FAM217A: variants seen among roughly 807,000 people sequenced by gnomAD.
FAM217A encodes protein FAM217A.
FAM217A carries 13 observed loss-of-function variants against 18.5 expected under a neutral mutation model. The ratio of observed to expected loss-of-function variants is 0.70; its 90% CI spans 0.46 to 1.12. The LOEUF (loss-of-function observed/expected upper bound fraction) is 1.12, where lower values mean the gene tolerates loss of function less well. Ranked by LOEUF, FAM217A falls within the 50% of genes most tolerant of loss-of-function variation. The pLI is 0.00. For missense variants in FAM217A, 560 were observed against 575.4 expected (o/e 0.97, Z 0.27); for synonymous variants, 161 against 202.8 (o/e 0.79, Z 1.75).
intron 1 of FAM217A, among the ~76,000 whole-genome samples, chr6:4,078,211 G>T (rs1210453161): frequency 6.6e-6 from 1 of 151,706 alleles, no homozygotes; most frequent in Admixed American, 6.6e-5. Flanking sequence ...GCACCACTAC[G>T]CCCAGCTAAT....
chr6:4,079,569 G>A (rs1360440526), upstream of FAM217A: 2 of 1,282,898 alleles, frequency 1.6e-6, no homozygotes, highest in Admixed American at 2.3e-5. Flanking sequence ...GGCCTCTCCA[G>A]GCTGAGCTCT....
chr6:4,077,232 C>G (rs1460660230), intron 2 of FAM217A, 123 bp downstream of exon 2: 1 of 871,708 alleles, frequency 1.1e-6, no homozygotes, highest in East Asian at 2.5e-5. Flanking sequence ...AAGGAAAACA[C>G]AGGATAAACT....
At chr6:4,075,884 C>A (rs1384280044) in intron 2 of FAM217A, among the ~76,000 whole-genome samples, 4 of 152,138 alleles carry the variant, frequency 2.6e-5, no homozygotes. Context: ...TTATCATTCT[C>A]TATAGATTTA....
At chr6:4,072,513 A>T (rs949261353) in intron 6 of FAM217A, among the ~76,000 whole-genome samples, 16 of 151,328 alleles carry the variant, frequency 1.1e-4, no homozygotes, top group Admixed American at 1.1e-3. Flanking sequence ...CTGTAATCCC[A>T]GAACTTTGGG....
intron 4 of FAM217A, among the ~76,000 whole-genome samples, chr6:4,074,236 T>C (rs1298366307): frequency 6.6e-6 from 1 of 152,230 alleles, no homozygotes; most frequent in Non-Finnish European, 1.5e-5. Flanking sequence ...TTTATATTAT[T>C]GTTATACTGA....
In FAM217A at chr6:4,073,302, A is replaced by G. The variant is rs759052718; in HGVS notation, c.275T>C (p.Leu92Pro). Residue 92 changes from leucine to proline, a missense_variant, in exon 6 of 7, where the codon CTT (leucine) becomes CCT (proline). By Grantham distance (98) the Leu-to-Pro change is moderately conservative. Coordinates refer to ENST00000274673, the MANE Select transcript of FAM217A (RefSeq NM_173563.3). ...CTTCTCTATGGTACTTCCTTCATTA[A>G]GAGGACAATTCCATAATTGAAAGAT... Reference protein sequence around the residue: ...QGIFQLWNCPLNEGSTIEKRE... With the variant: ...QGIFQLWNCPPNEGSTIEKRE... 2.5e-6 allele frequency: 4 copies of G among 1,609,464 alleles called. No individual in the cohort carries two copies. In the Admixed American group the frequency reaches 6.7e-5, roughly 27 times the overall value.
chr6:4,082,349 A>C (rs2113893464), upstream of FAM217A, among the ~76,000 whole-genome samples: 1 of 152,246 alleles, frequency 6.6e-6, no homozygotes, highest in East Asian at 1.9e-4. Context: ...AAGGCTTCGG[A>C]AATAGCCTCA....
rs560026198 is a variant in FAM217A, at chr6:4,068,398, T to C, written c.*298A>G. 4.0e-6 allele frequency: 1 copy of C among 251,072 alleles called. No homozygotes were observed. Among genetic ancestry groups the C allele is most frequent in the African/African-American group, 2.2e-5 (1 of 44,920 alleles). The allele number at this position is 251,072 out of a possible 1,614,324, so 15.6% of individuals were successfully genotyped here. A position where few individuals can be genotyped will look rare whatever the true frequency, so the allele number is the denominator to read the frequency against. On this transcript the variant is annotated 3_prime_UTR_variant, in exon 7 of 7. Coordinates refer to ENST00000274673, the MANE Select transcript of FAM217A (RefSeq NM_173563.3). ...ATACCATTTATTGATGGAATTATAC[T>C]GGAAAACAATCACTGAAAAAAGAGT...
In FAM217A at chr6:4,069,557, C is replaced by T. The variant is rs753353565; in HGVS notation, c.666G>A (p.Val222=). The part of the protein sequence containing the change: ...NDTLLSYFKK[V]DLNLKPETIK... ...TTGTTTCTGGCTTCAAGTTCAGGTC[C>T]ACCTTTTTAAAATAGCTGAGTAAAG... The change falls in exon 7 of 7, where the codon GTG becomes GTA. Residue 222 remains valine, a synonymous_variant. Coordinates refer to ENST00000274673, the MANE Select transcript of FAM217A (RefSeq NM_173563.3). 1 of 1,614,072 alleles carries T rather than the reference C, an allele frequency of 6.2e-7. No homozygotes were observed. Among genetic ancestry groups the T allele is most frequent in the Non-Finnish European group, 8.5e-7 (1 of 1,179,996 alleles).
At chr6:4,084,909 C>A in intron 1 of FAM217A, 1 of 640,078 alleles carries the variant, frequency 1.6e-6, no homozygotes, top group Non-Finnish European at 2.8e-6. Context: ...TGCTGCGCTG[C>A]GGGATCAATT....
At position 4,069,136 on chromosome 6, in the gene FAM217A, C is replaced by T. The variant is rs745607309; in HGVS notation, c.1087G>A (p.Glu363Lys). 4 of 1,614,112 alleles carry T rather than the reference C, an allele frequency of 2.5e-6. No individual in the cohort carries two copies. In the South Asian group the frequency reaches 3.3e-5, roughly 13 times the overall value. The change falls in exon 7 of 7, where the codon GAA becomes AAA. Residue 363 changes from glutamate (E) to lysine (K), a missense_variant. Glu to Lys is a moderately conservative substitution (Grantham distance 56). Coordinates refer to ENST00000274673, the MANE Select transcript of FAM217A (RefSeq NM_173563.3). ...CAATTCCGTTTTAAAGCATTTTGTTCAAGCTTACAAGAACCAGAGTTGTTT... is the reference window on the plus strand; with the variant it reads ...CAATTCCGTTTTAAAGCATTTTGTTTAAGCTTACAAGAACCAGAGTTGTTT... ...SKNNSGSCKL[E>K]QNALKRNWSN...
At chr6:4,081,909 A>G (rs772942477), upstream of FAM217A, among the ~76,000 whole-genome samples, 1 of 152,174 alleles carries the variant, frequency 6.6e-6, no homozygotes, top group East Asian at 1.9e-4. Context: ...GTTATTTCAG[A>G]ACTCAAACTG....
Position 4,068,881 on chromosome 6 carries a change from G to A in FAM217A, c.1342C>T (p.Pro448Ser). Reference sequence around the variant, plus strand: ...TTCTGATTTTCGGGAAAAGTCAGAGGTATAGGTGAAACTGGCATTGGAGAC... The same window carrying A: ...TTCTGATTTTCGGGAAAAGTCAGAGATATAGGTGAAACTGGCATTGGAGAC... The part of the protein sequence containing the change: ...WRSPMPVSPI[P>S]LTFPENQKEE... Residue 448 changes from proline to serine, a missense_variant, in exon 7 of 7, where the codon CCT (proline) becomes TCT (serine). Pro to Ser is a moderately conservative substitution (Grantham distance 74). Coordinates refer to ENST00000274673, the MANE Select transcript of FAM217A (RefSeq NM_173563.3). 6.2e-7 allele frequency: 1 copy of A among 1,614,134 alleles called. No homozygotes were observed. The highest frequency in any genetic ancestry group is 8.5e-7 in the Non-Finnish European group (1 of 1,180,002).
At chr6:4,086,545 G>A (rs1195353380) in intron 1 of FAM217A, among the ~76,000 whole-genome samples, 1 of 151,738 alleles carries the variant, frequency 6.6e-6, no homozygotes, top group Non-Finnish European at 1.5e-5. Context: ...GTATCATATG[G>A]TATAATCATG....
upstream of FAM217A, chr6:4,079,635 C>T: frequency 7.8e-7 from 1 of 1,288,782 alleles, no homozygotes; most frequent in Non-Finnish European, 1.0e-6. Flanking sequence ...CCGCCTCCAC[C>T]CTCCATTCCC....
At chr6:4,084,144 A>T (rs1770486893) in intron 2 of FAM217A, among the ~76,000 whole-genome samples, 2 of 152,166 alleles carry the variant, frequency 1.3e-5, no homozygotes, top group South Asian at 4.1e-4. Context: ...TGTTTGTATA[A>T]TTCCTTTTTA....
Position 4,078,889 on chromosome 6 carries a change from C to G in FAM217A, c.-72G>C. 1.8e-6 allele frequency: 1 copy of G among 569,100 alleles called. No homozygotes were observed. The highest frequency in any genetic ancestry group is 3.2e-6 in the Non-Finnish European group (1 of 315,850). 35.3% of individuals were successfully genotyped at this position (569,100 alleles called of 1,614,324 possible). On this transcript the variant is annotated 5_prime_UTR_variant, in exon 1 of 7. Coordinates refer to ENST00000274673, the MANE Select transcript of FAM217A (RefSeq NM_173563.3). ...CACGTGTCCTCCCCGGCGTGCTCTC[C>G]CGGTGCGCCGCCCCGAGGCCCGAGC...
Position 4,078,935 on chromosome 6 carries a change from C to T in FAM217A, c.-118G>A. On this transcript the variant is annotated 5_prime_UTR_variant, in exon 1 of 7. Coordinates refer to ENST00000274673, the MANE Select transcript of FAM217A (RefSeq NM_173563.3). Reference sequence around the variant, plus strand: ...CGAGCGCCTCCGCGTGCGTGGCTGACGGCTTGGAGGGCGCCCCCTCTGCCG... The same window carrying T: ...CGAGCGCCTCCGCGTGCGTGGCTGATGGCTTGGAGGGCGCCCCCTCTGCCG... The T allele has an allele frequency of 3.5e-6, 2 of 574,618 alleles. No individual in the cohort carries two copies. The highest frequency in any genetic ancestry group is 6.2e-6 in the Non-Finnish European group (2 of 321,060). The allele number at this position is 574,618 out of a possible 1,614,324, so 35.6% of individuals were successfully genotyped here.
upstream of FAM217A, among the ~76,000 whole-genome samples, chr6:4,080,028 A>T (rs1025344488): frequency 3.3e-5 from 5 of 152,174 alleles, no homozygotes; most frequent in Non-Finnish European, 7.3e-5. Context: ...CTTTTGATAT[A>T]GAGAAAAATT....
Sources: allele counts gnomAD v4.1 joint callset (sites outside exome capture counted in the v4.1 genomes callset), GRCh38; gene constraint gnomAD v4.1.1; transcripts MANE v1.5; gene names NCBI Gene and HGNC (gene_info 2026-07-23, HGNC 2026-07-21).